Variants in DOCK1 observed in about 807,000 individuals in gnomAD.
DOCK1 encodes dedicator of cytokinesis protein 1.
A neutral mutation model predicts 262.7 loss-of-function variants in DOCK1; 138 were observed. That is an observed-to-expected ratio of 0.53 (90% CI 0.46 to 0.61). The LOEUF is 0.61. DOCK1 is among the 20% of genes least tolerant of loss of function. DOCK1 has a pLI of 0.00. For missense variants in DOCK1, 1,908 were observed against 2,370.7 expected (o/e 0.80, Z 4.05); for synonymous variants, 866 against 867.4 (o/e 1.00, Z 0.03).
chr10:127,043,286 A>C, intron 21 of DOCK1, 122 bp downstream of exon 21: 1 of 765,096 alleles, frequency 1.3e-6, no homozygotes, highest in East Asian at 2.8e-5. Context: ...CTCTGAGTTT[A>C]CTGGAATAAT....
intron 27 of DOCK1, among the ~76,000 whole-genome samples, chr10:127,143,677 C>T (rs1267383019): frequency 6.6e-6 from 1 of 152,152 alleles, no homozygotes; most frequent in Non-Finnish European, 1.5e-5. Context: ...ATGGGCAACA[C>T]CAGCATTGTC....
At chr10:126,946,296 T>G (rs1394665976) in intron 1 of DOCK1, among the ~76,000 whole-genome samples, 2 of 152,148 alleles carry the variant, frequency 1.3e-5, no homozygotes, top group Non-Finnish European at 2.9e-5. Context: ...CCTGTATTCC[T>G]AGCACTTTGG....
chr10:127,356,995 T>A (rs1026921025), intron 32 of DOCK1, among the ~76,000 whole-genome samples: 1 of 152,134 alleles, frequency 6.6e-6, no homozygotes, highest in Non-Finnish European at 1.5e-5. Flanking sequence ...TTATGATAAT[T>A]AGAGACACCA....
intron 27 of DOCK1, among the ~76,000 whole-genome samples, chr10:127,191,701 A>G (rs1347002355): frequency 6.6e-6 from 1 of 152,204 alleles, no homozygotes; most frequent in African/African-American, 2.4e-5. Flanking sequence ...GCTCAATTTC[A>G]TTAAGGTTGG....
chr10:127,156,535 T>TTTCTTC lies in DOCK1; in HGVS notation c.2847+28795_2847+28800dup, dbSNP rs542677102. Among the ~76,000 whole-genome samples, 28 of 94,188 alleles carry TTTCTTC rather than the reference T, an allele frequency of 3.0e-4. No individual in the cohort carries two copies. The Admixed American group carries it at 3.2e-3, about 11-fold the overall frequency. 61.8% of individuals were successfully genotyped at this position (94,188 alleles called of 152,430 possible). On this transcript the variant is annotated intron_variant, in intron 27 of 51. Coordinates refer to ENST00000623213, the MANE Select transcript of DOCK1 (RefSeq NM_001290223.2). The stretch of plus-strand genomic sequence containing the variant: ...CTTTTCTTTACTTTTCTTTTCTCTT[T>TTTCTTC]TTCTTCTTCTTCTTCTTCTTCTTCT...
intron 27 of DOCK1, among the ~76,000 whole-genome samples, chr10:127,245,068 TA>T (rs1327789142): frequency 1.2e-4 from 18 of 152,320 alleles, no homozygotes; most frequent in African/African-American, 4.1e-4. Flanking sequence ...TCCACCCTTA[TA>T]AGCCCACAGA....
chr10:127,276,817 G>T lies in DOCK1; in HGVS notation c.3044+19388G>T, dbSNP rs149041183. On this transcript the variant is annotated intron_variant, in intron 29 of 51. Coordinates refer to ENST00000623213, the MANE Select transcript of DOCK1 (RefSeq NM_001290223.2). ...CCAATTCCTCTATTGCAGAATGCAT[G>T]CAGGGAATTTAGAAATCACATGGTA... 3.6e-3 allele frequency among the ~76,000 whole-genome samples: 492 copies of T among 135,846 alleles called. 1 individual carries two copies. Among genetic ancestry groups the T allele is most frequent in the Middle Eastern group, 0.011 (3 of 272 alleles). 89.1% of individuals were successfully genotyped at this position (135,846 alleles called of 152,430 possible). A position where few individuals can be genotyped will look rare whatever the true frequency, so the allele number is the denominator to read the frequency against.
Position 127,393,742 on chromosome 10 carries a change from A to G in DOCK1, c.3927+8833A>G, listed in dbSNP as rs138048470. On this transcript the variant is annotated intron_variant, in intron 38 of 51. Transcript: ENST00000623213. ...TTCTGTATTTCTTCCCCACGGAATC[A>G]TTCTTCTGTTTTTGCCTTTCCACCG... is the stretch of plus-strand genomic sequence containing the variant. Among the ~76,000 whole-genome samples, 44 of 152,308 alleles carry G rather than the reference A, an allele frequency of 2.9e-4. No homozygotes were observed. In the East Asian group the frequency reaches 5.4e-3, roughly 19 times the overall value.
chr10:127,036,759 C>T (rs535491704), intron 18 of DOCK1, among the ~76,000 whole-genome samples: 4 of 151,632 alleles, frequency 2.6e-5, no homozygotes, highest in South Asian at 2.1e-4. Flanking sequence ...GGATCACCTG[C>T]GATCAGGAGT....
At chr10:127,147,919 T>C (rs1234134604) in intron 27 of DOCK1, among the ~76,000 whole-genome samples, 5 of 149,956 alleles carry the variant, frequency 3.3e-5, no homozygotes, top group African/African-American at 1.2e-4. Flanking sequence ...TAGTCCCAGC[T>C]ACTCGGGAGG....
chr10:127,252,927 G>T (rs1431525776), intron 28 of DOCK1, among the ~76,000 whole-genome samples: 2 of 152,024 alleles, frequency 1.3e-5, no homozygotes, highest in African/African-American at 4.8e-5. Context: ...ACTAATTCAG[G>T]TTCTCAAATT....
At chr10:127,402,698 C>T (rs376728898) in intron 38 of DOCK1, 13 of 528,640 alleles carry the variant, frequency 2.5e-5, no homozygotes, top group South Asian at 9.8e-5. Flanking sequence ...CTTCACCCTA[C>T]GGTTCCTTTT....
chr10:127,365,903 G>T (rs138171752), intron 33 of DOCK1, among the ~76,000 whole-genome samples: 2,798 of 152,278 alleles, frequency 0.018, 89 homozygotes, highest in Non-Finnish European at 0.02. Context: ...TCCCATTGGG[G>T]CTTCAACATT....
At chr10:127,204,930 G>A (rs2057645553) in intron 27 of DOCK1, among the ~76,000 whole-genome samples, 1 of 152,134 alleles carries the variant, frequency 6.6e-6, no homozygotes, top group Non-Finnish European at 1.5e-5. Flanking sequence ...ATTTGACTGT[G>A]GGTGGCCTGG....
Position 126,990,528 on chromosome 10 carries a change from T to A in DOCK1, c.398T>A (p.Leu133His). The A allele has an allele frequency of 6.2e-7, 1 of 1,613,826 alleles. No individual in the cohort carries two copies. Among genetic ancestry groups the A allele is most frequent in the Non-Finnish European group, 8.5e-7 (1 of 1,179,854 alleles). ...YDLIEWRSQI[L>H]SGTLPQDELK... is the part of the protein sequence containing the mutation. ...CTTATTGAATGGCGATCACAAATTC[T>A]TTCTGGAACTCTGCCTCAGGATGAA... The change falls in exon 6 of 52, where the codon CTT becomes CAT. Residue 133 changes from leucine (L) to histidine (H), a missense_variant. Around this residue, in one of 9 missense-constraint regions of DOCK1, gnomAD observed 227 missense variants for 254.1 expected, o/e 0.89. Transcript: ENST00000623213.
At chr10:127,015,645 A>G (rs1005222070) in intron 12 of DOCK1, among the ~76,000 whole-genome samples, 4 of 151,520 alleles carry the variant, frequency 2.6e-5, no homozygotes, top group African/African-American at 9.7e-5. Flanking sequence ...GCCTCCTCCT[A>G]CCCCAACTCC....
intron 25 of DOCK1, among the ~76,000 whole-genome samples, chr10:127,116,008 T>C (rs1478398949): frequency 6.6e-6 from 1 of 152,226 alleles, no homozygotes; most frequent in Non-Finnish European, 1.5e-5. Context: ...TATGAGACTT[T>C]GAGAGTAAAT....
At chr10:127,431,796 G>A (rs941435196) in intron 47 of DOCK1, among the ~76,000 whole-genome samples, 1 of 152,204 alleles carries the variant, frequency 6.6e-6, no homozygotes, top group Non-Finnish European at 1.5e-5. Context: ...TTTCCACAGA[G>A]ACCATATGTC....
intron 27 of DOCK1, among the ~76,000 whole-genome samples, chr10:127,240,520 C>A (rs1021258848): frequency 2.6e-5 from 4 of 151,992 alleles, no homozygotes; most frequent in African/African-American, 9.7e-5. Context: ...ACAATAATAC[C>A]TGAATCAGCC....
Sources: gnomAD v4.1 joint callset for allele counts (sites outside exome capture counted in the v4.1 genomes callset) on GRCh38, gnomAD v4.1.1 for gene constraint, gnomAD v4.1.1 regional missense constraint, MANE v1.5 for transcripts, NCBI Gene and HGNC (gene_info 2026-07-23, HGNC 2026-07-21) for gene names.